The following CYP27B1 variants were observed in gnomAD, a reference collection of about 807,000 sequenced individuals.
The protein encoded by CYP27B1 is cytochrome P450 family 27 subfamily B member 1, also known as 25-hydroxyvitamin D-1 alpha hydroxylase, mitochondrial.
CYP27B1 carries 46 observed loss-of-function variants against 54.8 expected under a neutral mutation model. The ratio of observed to expected loss-of-function variants is 0.84; its 90% confidence interval spans 0.66 to 1.07. The LOEUF is 1.07. CYP27B1 is among the 50% of genes least tolerant of loss of function. The probability of loss-of-function intolerance (pLI) is 0.00; values close to 1 mark genes in which losing one functional copy is unlikely to be tolerated. For missense variants in CYP27B1, 674 were observed against 692.2 expected, an observed-to-expected ratio of 0.97 and a Z score of 0.30; for synonymous variants, 292 against 297.3, an observed-to-expected ratio of 0.98 and a Z score of 0.18.
chr12:57,766,270 G>T, intron 1 of CYP27B1, 73 bp from the exon 2 acceptor site: 1 of 1,448,782 alleles, frequency 6.9e-7, no homozygotes. Flanking sequence ...CCCACGCCAA[G>T]GGCGTTGACT....
rs1209354701 is a variant in CYP27B1, at chr12:57,766,183, C to A, written c.210G>T (p.Ala70=). Residue 70 remains alanine, a synonymous_variant, in exon 2 of 9, where the codon GCG becomes GCT. Transcript: ENST00000228606. The part of the protein sequence containing the change: ...RLHELQVQGA[A]HFGPVWLASF... The stretch of plus-strand genomic sequence containing the variant: ...TGGCTAGCCACACCGGCCCGAAGTG[C>A]GCGGCGCCCTGCACCTGGGGGAGCG... 6.5e-7 allele frequency: 1 copy of A among 1,540,112 alleles called. No individual in the cohort carries two copies. The highest frequency in any genetic ancestry group is 8.7e-7 in the Non-Finnish European group (1 of 1,143,124).
rs986660522 is a variant in CYP27B1, at chr12:57,764,783, T to C, written c.934A>G (p.Thr312Ala). ...TCCACTCCCGCCAATAGCAACTCTG[T>C]CACATTTCCCAGGATGGACTGGGCA... ...LPAQSILGNV[T>A]ELLLAGVDTV... Residue 312 changes from threonine (T) to alanine (A), a missense_variant, in exon 5 of 9, where the codon ACA (threonine) becomes GCA (alanine). Physicochemically the swap from Thr to Ala is moderately conservative, Grantham distance 58 (BLOSUM62 0). Coordinates refer to ENST00000228606, the MANE Select transcript of CYP27B1 (RefSeq NM_000785.4). 2.5e-6 allele frequency: 4 copies of C among 1,613,962 alleles called. No homozygotes were observed. In the Admixed American group the frequency reaches 5.0e-5, roughly 20 times the overall value.
intron 5 of CYP27B1, 40 bp downstream of exon 5, chr12:57,764,714 A>C: frequency 6.2e-7 from 1 of 1,613,432 alleles, no homozygotes; most frequent in Non-Finnish European, 8.5e-7. Flanking sequence ...GCGGAGGCTA[A>C]GCCCTGGAAC....
rs1239860259 is a variant in CYP27B1, at chr12:57,765,989, G to C, written c.386+18C>G. 6 of 1,542,960 alleles carry C rather than the reference G, an allele frequency of 3.9e-6. No individual in the cohort carries two copies. Among genetic ancestry groups the C allele is most frequent in the South Asian group, 3.6e-5 (3 of 84,058 alleles). On this transcript the variant is annotated intron_variant, in intron 2 of 8. Transcript: ENST00000228606. This position sits in a 1 kb window ranked among gnomAD's most constrained non-coding sequence, Gnocchi z 5.8. ...CCGCTGCAGGGCGTCTGGGCTTCTG[G>C]GGGCAGAGAAGACTCACGCAGTGAG...
intron 6 of CYP27B1, 70 bp from the exon 7 acceptor site, chr12:57,764,246 C>G: frequency 6.4e-7 from 1 of 1,568,328 alleles, no homozygotes; most frequent in South Asian, 1.1e-5. Flanking sequence ...CTCATTGTTT[C>G]CAACTTCCAA....
intron 1 of CYP27B1, 31 bp downstream of exon 1, chr12:57,766,816 A>G (rs1955365748): frequency 1.2e-6 from 2 of 1,609,744 alleles, no homozygotes; most frequent in Non-Finnish European, 1.7e-6. Context: ...TTTCCCCAGC[A>G]CTCTGTCTCG....
rs1029340989 is a variant in CYP27B1, at chr12:57,763,698, T to A, written c.1326A>T (p.Pro442=). ...RWLGEGPTPH[P]FASLPFGFGK... ...CAAAGCCAAAGGGAAGAGATGCAAA[T>A]GGGTGGGGGGTGGGACCCTCCCCCA... is the stretch of plus-strand genomic sequence containing the variant. The change falls in exon 8 of 9, where the codon CCA becomes CCT. Residue 442 remains proline (P), a synonymous_variant. Coordinates refer to ENST00000228606, the MANE Select transcript of CYP27B1 (RefSeq NM_000785.4). 7 of 1,550,252 alleles carry A rather than the reference T, an allele frequency of 4.5e-6. No homozygotes were observed. The highest frequency in any genetic ancestry group is 3.6e-6 in the Non-Finnish European group (4 of 1,125,486).
Position 57,766,197 on chromosome 12 carries a change from C to A in CYP27B1, c.196G>T (p.Val66Leu). Residue 66 changes from valine to leucine, a missense_variant and splice_region_variant, in exon 2 of 9, where the codon GTG (valine) becomes TTG (leucine). By Grantham distance (32) the Val-to-Leu change is conservative. Coordinates refer to ENST00000228606, the MANE Select transcript of CYP27B1 (RefSeq NM_000785.4). ...GGCCCGAAGTGCGCGGCGCCCTGCA[C>A]CTGGGGGAGCGGACACAGCGGACAC... is the stretch of plus-strand genomic sequence containing the variant. Reference protein sequence around the residue: ...GGLSRLHELQVQGAAHFGPVW... With the variant: ...GGLSRLHELQLQGAAHFGPVW... 6.5e-7 allele frequency: 1 copy of A among 1,534,434 alleles called. No individual in the cohort carries two copies. Among genetic ancestry groups the A allele is most frequent in the Non-Finnish European group, 8.8e-7 (1 of 1,139,744 alleles).
chr12:57,766,483 G>C, intron 1 of CYP27B1: 1 of 570,256 alleles, frequency 1.8e-6, no homozygotes, highest in Non-Finnish European at 3.1e-6. Context: ...TCCATGTCTG[G>C]ACTGTCCATC....
intron 6 of CYP27B1, 70 bp from the exon 7 acceptor site, chr12:57,764,246 C>A: frequency 1.3e-6 from 2 of 1,568,328 alleles, no homozygotes; most frequent in Admixed American, 1.7e-5. Context: ...CTCATTGTTT[C>A]CAACTTCCAA....
intron 1 of CYP27B1, 97 bp downstream of exon 1, chr12:57,766,750 G>A: frequency 7.6e-7 from 1 of 1,317,596 alleles, no homozygotes; most frequent in Non-Finnish European, 1.1e-6. Flanking sequence ...CGTTCTCTCT[G>A]GCTGTCCCAC....
rs528531210 is a variant in CYP27B1, at chr12:57,763,372, T to C, written c.1414-117A>G. 6.7e-5 allele frequency: 59 copies of C among 886,708 alleles called. No homozygotes were observed. The East Asian group carries it at 1.1e-3, about 17-fold the overall frequency. 54.9% of individuals were successfully genotyped at this position (886,708 alleles called of 1,614,324 possible). On this transcript the variant is annotated intron_variant, in intron 8 of 8. Coordinates refer to ENST00000228606, the MANE Select transcript of CYP27B1 (RefSeq NM_000785.4). The stretch of plus-strand genomic sequence containing the variant: ...AGTGTTAGAATGGTCAATGATTGGG[T>C]GGCACCTGTGGCCAGTAGGGGACTT...
chr12:57,766,990 C>G lies in CYP27B1; in HGVS notation c.52G>C (p.Ala18Pro). Reference sequence around the variant, plus strand: ...CCTAGGGAGGCGCCCAACTCGGGCGCCCAGCGGACGCGATGGAACACTCTG... The same window carrying G: ...CCTAGGGAGGCGCCCAACTCGGGCGGCCAGCGGACGCGATGGAACACTCTG... ...ASRVFHRVRW[A>P]PELGASLGYR... Residue 18 changes from alanine to proline, a missense_variant, in exon 1 of 9, where the codon GCG becomes CCG. By Grantham distance (27) the Ala-to-Pro change is conservative. Transcript: ENST00000228606. 4 of 1,614,150 alleles carry G rather than the reference C, an allele frequency of 2.5e-6. No homozygotes were observed. Among genetic ancestry groups the G allele is most frequent in the Non-Finnish European group, 3.4e-6 (4 of 1,180,012 alleles).
Position 57,765,228 on chromosome 12 carries a change from G to T in CYP27B1, c.590-17C>A, listed in dbSNP as rs751768889. 13 of 1,611,326 alleles carry T rather than the reference G, an allele frequency of 8.1e-6. No homozygotes were observed. Among genetic ancestry groups the T allele is most frequent in the Non-Finnish European group, 1.1e-5 (13 of 1,179,062 alleles). ...CGGCGATGCCTTGTCGGGAGGGGGC[G>T]CCGTCAGGGTTCCGGGAGGCTCTGG... On this transcript the variant is annotated splice_polypyrimidine_tract_variant and intron_variant, in intron 3 of 8. Coordinates refer to ENST00000228606, the MANE Select transcript of CYP27B1 (RefSeq NM_000785.4). This position sits in a 1 kb window ranked among gnomAD's most constrained non-coding sequence, Gnocchi z 5.8.
intron 1 of CYP27B1, chr12:57,766,467 A>C (rs942546847): frequency 2.1e-5 from 12 of 558,292 alleles, no homozygotes; most frequent in Non-Finnish European, 3.8e-5. Context: ...AGAAATCTCT[A>C]AAAGTTCCAT....
Position 57,764,543 on chromosome 12 carries a change from T to G in CYP27B1, c.971A>C (p.Asn324Thr). 1.9e-6 allele frequency: 3 copies of G among 1,614,046 alleles called. No homozygotes were observed. Among genetic ancestry groups the G allele is most frequent in the Non-Finnish European group, 2.5e-6 (3 of 1,180,020 alleles). Residue 324 changes from asparagine to threonine, a missense_variant, in exon 6 of 9, where the codon AAC (asparagine) becomes ACC (threonine). By Grantham distance (65) the Asn-to-Thr change is moderately conservative. Coordinates refer to ENST00000228606, the MANE Select transcript of CYP27B1 (RefSeq NM_000785.4). ...LLLAGVDTVSNTLSWALYELS... is the reference protein window; with the variant it reads ...LLLAGVDTVSTTLSWALYELS... ...CTCATACAGAGCCCAAGAGAGCGTG[T>G]TGGACACCTGAAAAACATGTGAAAG...
rs1351548307 is a variant in CYP27B1, at chr12:57,766,772, A to G, written c.195+75T>C. 5.4e-6 allele frequency: 8 copies of G among 1,490,462 alleles called. No individual in the cohort carries two copies. The Admixed American group carries it at 1.2e-4, about 22-fold the overall frequency. The allele number at this position is 1,490,462 out of a possible 1,614,324, so 92.3% of individuals were successfully genotyped here. A position where few individuals can be genotyped will look rare whatever the true frequency, so the allele number is the denominator to read the frequency against. The stretch of plus-strand genomic sequence containing the variant: ...TCTGGCTGTCCCACATTTGCTCTGC[A>G]CTAGTCAGTCCTTTCTGACGCTGTC... On this transcript the variant is annotated intron_variant, in intron 1 of 8. Coordinates refer to ENST00000228606, the MANE Select transcript of CYP27B1 (RefSeq NM_000785.4).
At position 57,765,127 on chromosome 12, in the gene CYP27B1, A is replaced by G. The variant is rs1002601613; in HGVS notation, c.674T>C (p.Val225Ala). Residue 225 changes from valine (V) to alanine (A), a missense_variant, in exon 4 of 9, where the codon GTG becomes GCG. Coordinates refer to ENST00000228606, the MANE Select transcript of CYP27B1 (RefSeq NM_000785.4). This position sits in a 1 kb window ranked among gnomAD's most constrained non-coding sequence, Gnocchi z 5.8. ...CAGCGTGGACACAAACACCGAGCCC[A>G]CAGCGCGGATGAAGGTCTCCGTGTC... ...PPDTETFIRA[V>A]GSVFVSTLLT... is the part of the protein sequence containing the mutation. 3.1e-6 allele frequency: 5 copies of G among 1,613,832 alleles called. No homozygotes were observed. In the African/African-American group the frequency reaches 5.3e-5, roughly 17 times the overall value.
Position 57,766,174 on chromosome 12 carries a change from C to A in CYP27B1, c.219G>T (p.Gly73=). ...TCCCAAAGCTGGCTAGCCACACCGG[C>A]CCGAAGTGCGCGGCGCCCTGCACCT... ...ELQVQGAAHF[G]PVWLASFGTV... Residue 73 remains glycine, a synonymous_variant, in exon 2 of 9, where the codon GGG becomes GGT. Coordinates refer to ENST00000228606, the MANE Select transcript of CYP27B1 (RefSeq NM_000785.4). 6.5e-7 allele frequency: 1 copy of A among 1,544,026 alleles called. No individual in the cohort carries two copies. Among genetic ancestry groups the A allele is most frequent in the Non-Finnish European group, 8.7e-7 (1 of 1,145,676 alleles).
Sources: gnomAD v4.1 joint callset for allele counts on GRCh38, gnomAD v4.1.1 for gene constraint, Gnocchi (gnomAD v3.1) non-coding constraint, MANE v1.5 for transcripts, NCBI Gene and HGNC (gene_info 2026-07-23, HGNC 2026-07-21) for gene names.